Variants in SPECC1L observed in about 807,000 individuals in gnomAD.
The protein encoded by SPECC1L is sperm antigen with calponin homology and coiled-coil domains 1 like.
SPECC1L carries 40 observed loss-of-function variants against 116.8 expected under a neutral mutation model. The observed-to-expected ratio is 0.34, with a 90% CI of 0.27 to 0.45. The LOEUF (loss-of-function observed/expected upper bound fraction) is 0.45. Ranked by LOEUF, SPECC1L falls within the 20% of genes least tolerant of loss-of-function variation. The pLI, the probability that SPECC1L is intolerant of heterozygous loss-of-function variation, is 1.00. For synonymous variants in SPECC1L, 504 were observed against 500.6 expected (o/e 1.01, Z -0.09); for missense variants, 1,110 against 1,373.6 (o/e 0.81, Z 3.03).
Position 24,383,792 on chromosome 22 carries a change from ATTTTTTTTTTTTTTTTTTTTTT to A in SPECC1L, c.3087+14491_3087+14512del, listed in dbSNP as rs538972717. 2.3e-3 allele frequency among the ~76,000 whole-genome samples: 181 copies of A among 77,336 alleles called. 4 individuals are homozygous for A. Among genetic ancestry groups the A allele is most frequent in the Middle Eastern group, 6.9e-3 (1 of 144 alleles). 50.7% of individuals were successfully genotyped at this position (77,336 alleles called of 152,430 possible). ...GCTGGGATTACAGGCACCCACCACT[ATTTTTTTTTTTTTTTTTTTTTT>A]TTTTTTTTTTTTTTTTTTAGTAGAG... On this transcript the variant is annotated intron_variant, in intron 14 of 16. Coordinates refer to ENST00000314328, the MANE Select transcript of SPECC1L (RefSeq NM_015330.6).
chr22:24,349,201 C>T (rs2041369180), intron 11 of SPECC1L, among the ~76,000 whole-genome samples: 1 of 152,118 alleles, frequency 6.6e-6, no homozygotes, highest in Admixed American at 6.5e-5. Context: ...GCACCCCACC[C>T]AGCTAATTTT....
intron 2 of SPECC1L, 103 bp from the exon 3 acceptor site, chr22:24,302,092 G>C: frequency 1.1e-6 from 1 of 921,458 alleles, no homozygotes; most frequent in Non-Finnish European, 1.7e-6. Flanking sequence ...GTGACATCTA[G>C]CTTTCAAACA....
intron 13 of SPECC1L, among the ~76,000 whole-genome samples, chr22:24,368,208 A>AC (rs1235067723): frequency 2.0e-5 from 3 of 151,960 alleles, no homozygotes; most frequent in East Asian, 1.9e-4. Context: ...CGGAATTTTA[A>AC]CCCCCCCAAA....
chr22:24,383,792 ATTTTTTTTTTT>A (rs538972717), intron 14 of SPECC1L, among the ~76,000 whole-genome samples: 97 of 77,306 alleles, frequency 1.3e-3, no homozygotes, highest in African/African-American at 2.5e-3. Context: ...ACCCACCACT[ATTTTTTTTTTT>A]TTTTTTTTTT....
intron 8 of SPECC1L, among the ~76,000 whole-genome samples, chr22:24,330,691 T>C (rs906572647): frequency 2.6e-5 from 4 of 152,128 alleles, no homozygotes; most frequent in African/African-American, 9.7e-5. Context: ...GATTCTCCTT[T>C]CCCCCAGACC....
intron 14 of SPECC1L, among the ~76,000 whole-genome samples, chr22:24,380,696 A>G (rs1017729965): frequency 6.6e-6 from 1 of 152,190 alleles, no homozygotes; most frequent in Non-Finnish European, 1.5e-5. Flanking sequence ...TTAGAATAGT[A>G]GAATATTTGT....
chr22:24,390,867 C>CTTTTTTTTTTTTTTTTTT (rs1556306072), intron 14 of SPECC1L, among the ~76,000 whole-genome samples: 19 of 47,602 alleles, frequency 4.0e-4, no homozygotes, highest in African/African-American at 6.5e-4. Context: ...TTTTTTTTTT[C>CTTTTTTTTTTTTTTTTTT]TTTTCTTTTT....
chr22:24,406,764 G>T (rs1204545059), intron 14 of SPECC1L, among the ~76,000 whole-genome samples: 2 of 152,228 alleles, frequency 1.3e-5, no homozygotes, highest in Non-Finnish European at 2.9e-5. Context: ...GGCCGTGGTG[G>T]CCGTGTGGAG....
intron 14 of SPECC1L, among the ~76,000 whole-genome samples, chr22:24,382,126 C>T (rs1262084737): frequency 6.6e-6 from 1 of 152,028 alleles, no homozygotes; most frequent in Non-Finnish European, 1.5e-5. Flanking sequence ...GTTTAAAATA[C>T]AAAAATAAAT....
At chr22:24,335,153 G>A (rs1292191941) in intron 9 of SPECC1L, among the ~76,000 whole-genome samples, 1 of 152,138 alleles carries the variant, frequency 6.6e-6, no homozygotes, top group Non-Finnish European at 1.5e-5. Flanking sequence ...CCTACATCAT[G>A]GATATCTTTG....
intron 2 of SPECC1L, among the ~76,000 whole-genome samples, chr22:24,297,215 GA>G (rs1417424728): frequency 6.6e-6 from 1 of 150,714 alleles, no homozygotes; most frequent in Non-Finnish European, 1.5e-5. Context: ...TTACAAGCAT[GA>G]GCCACTGCGC....
intron 9 of SPECC1L, among the ~76,000 whole-genome samples, chr22:24,335,144 C>T (rs1163490570): frequency 1.3e-5 from 2 of 152,180 alleles, no homozygotes; most frequent in Admixed American, 6.5e-5. Context: ...TTGATACAGC[C>T]TACATCATGG....
intron 2 of SPECC1L, among the ~76,000 whole-genome samples, chr22:24,299,778 A>G (rs1236821031): frequency 6.6e-6 from 1 of 152,106 alleles, no homozygotes; most frequent in African/African-American, 2.4e-5. Flanking sequence ...TGTAAAACTT[A>G]GTGGTTTTCA....
rs1601564493 is a variant in SPECC1L, at chr22:24,330,367, T to A, written c.2332T>A (p.Leu778Ile). ...QEEIGDLKRR[L>I]HEAQEKNEKL... is the part of the protein sequence containing the mutation. ...GGAGATTGGTGATCTAAAGCGCCGG[T>A]TACATGAGGCTCAAGAAAAAAATGA... The change falls in exon 8 of 17, where the codon TTA (leucine) becomes ATA (isoleucine). Residue 778 changes from leucine to isoleucine, a missense_variant. By Grantham distance (5) the Leu-to-Ile change is conservative. This residue lies in a region of SPECC1L where 575 missense variants were observed against 682.4 expected (regional missense o/e 0.84). Transcript: ENST00000314328. 1.2e-6 allele frequency: 2 copies of A among 1,614,190 alleles called. No homozygotes were observed. Among genetic ancestry groups the A allele is most frequent in the Middle Eastern group, 3.3e-4 (2 of 6,062 alleles).
At chr22:24,290,936 T>C (rs922223184) in intron 2 of SPECC1L, among the ~76,000 whole-genome samples, 1 of 152,196 alleles carries the variant, frequency 6.6e-6, no homozygotes, top group Non-Finnish European at 1.5e-5. Context: ...ACACATGTTT[T>C]ATCAAATCGA....
At chr22:24,279,632 G>A (rs1463041941) in intron 2 of SPECC1L, among the ~76,000 whole-genome samples, 8 of 151,790 alleles carry the variant, frequency 5.3e-5, no homozygotes, top group East Asian at 1.9e-4. Flanking sequence ...CAGGTTGTAG[G>A]GCAACAATGG....
chr22:24,378,951 A>G (rs1011803241), intron 14 of SPECC1L, among the ~76,000 whole-genome samples: 5 of 152,176 alleles, frequency 3.3e-5, no homozygotes, highest in African/African-American at 1.2e-4. Flanking sequence ...GACTTGTTTG[A>G]TACAGGATTG....
At chr22:24,317,308 G>A (rs1404368676) in intron 4 of SPECC1L, among the ~76,000 whole-genome samples, 1 of 122,490 alleles carries the variant, frequency 8.2e-6, no homozygotes, top group Non-Finnish European at 1.8e-5. Context: ...GGCCAGGCGG[G>A]GGGCTGACCC....
chr22:24,294,566 A>G (rs2049221766), intron 2 of SPECC1L, among the ~76,000 whole-genome samples: 1 of 151,620 alleles, frequency 6.6e-6, no homozygotes, highest in Non-Finnish European at 1.5e-5. Context: ...TATTTTTGGT[A>G]GAGACAGGGT....
Sources: gnomAD v4.1 joint callset for allele counts (sites outside exome capture counted in the v4.1 genomes callset) on GRCh38, gnomAD v4.1.1 for gene constraint, gnomAD v4.1.1 regional missense constraint, MANE v1.5 for transcripts, NCBI Gene and HGNC (gene_info 2026-07-23, HGNC 2026-07-21) for gene names.